PDK1: variants seen among roughly 807,000 people sequenced by gnomAD.
PDK1 encodes [Pyruvate dehydrogenase (acetyl-transferring)] kinase isozyme 1, mitochondrial.
PDK1 carries 39 observed loss-of-function variants against 54.2 expected under a neutral mutation model. The observed-to-expected ratio is 0.72, with a 90% CI of 0.56 to 0.94. PDK1 has a LOEUF of 0.94. Among genes scored for constraint, PDK1 ranks in the 40% least tolerant of loss-of-function variants. The probability of loss-of-function intolerance (pLI) is 0.00; values close to 1 mark genes in which losing one functional copy is unlikely to be tolerated. For missense variants in PDK1, 552 were observed against 566.0 expected (o/e 0.98, Z 0.25); for synonymous variants, 221 against 207.1 (o/e 1.07, Z -0.58).
At chr2:172,620,544 G>A in the PDK1 span, among the ~76,000 whole-genome samples, 16 of 152,076 alleles carry the variant, frequency 1.1e-4, no homozygotes, top group African/African-American at 2.9e-4. Context: ...GCTCTGATAC[G>A]GTTTAGCTCT....
chr2:172,683,157 G>T, the PDK1 span, among the ~76,000 whole-genome samples: 57 of 151,756 alleles, frequency 3.8e-4, no homozygotes, highest in Non-Finnish European at 7.4e-4. Context: ...CCATTCTGGC[G>T]AACACAGTGA....
At chr2:172,676,496 A>G in the PDK1 span, among the ~76,000 whole-genome samples, 2 of 152,240 alleles carry the variant, frequency 1.3e-5, no homozygotes, top group Non-Finnish European at 2.9e-5. Flanking sequence ...AGATAACTAT[A>G]GATGTGATAG....
At chr2:172,685,211 A>G in the PDK1 span, among the ~76,000 whole-genome samples, 1 of 152,214 alleles carries the variant, frequency 6.6e-6, no homozygotes, top group Non-Finnish European at 1.5e-5. Flanking sequence ...ACAGACTAAT[A>G]CAACAGCTCT....
the PDK1 span, among the ~76,000 whole-genome samples, chr2:172,617,200 A>G: frequency 1.3e-5 from 2 of 152,022 alleles, no homozygotes; most frequent in Non-Finnish European, 2.9e-5. Flanking sequence ...TCATCTGCCC[A>G]CCTTGGCCTC....
chr2:172,575,747 G>A (rs1020346805), intron 8 of PDK1, among the ~76,000 whole-genome samples: 2 of 152,068 alleles, frequency 1.3e-5, no homozygotes, highest in African/African-American at 4.8e-5. Flanking sequence ...ACTTGAATCC[G>A]GGAGGCAGAG....
intron 8 of PDK1, among the ~76,000 whole-genome samples, chr2:172,585,316 ATTTTTTTTT>A (rs538241255): frequency 4.8e-5 from 5 of 103,304 alleles, no homozygotes; most frequent in African/African-American, 1.3e-4. Context: ...TGCATTTTTA[ATTTTTTTTT>A]TTTTTTTTTT....
the PDK1 span, among the ~76,000 whole-genome samples, chr2:172,680,560 G>T: frequency 6.6e-6 from 1 of 151,988 alleles, no homozygotes; most frequent in Non-Finnish European, 1.5e-5. Context: ...TAGAGACGGG[G>T]TCTAGCTATG....
the PDK1 span, among the ~76,000 whole-genome samples, chr2:172,675,837 TAGAG>T: frequency 1.4e-4 from 21 of 152,250 alleles, no homozygotes; most frequent in African/African-American, 2.6e-4. Context: ...CTTTCAGAAT[TAGAG>T]AGAAGAAGCC....
the PDK1 span, among the ~76,000 whole-genome samples, chr2:172,665,824 T>C: frequency 6.6e-6 from 1 of 152,206 alleles, no homozygotes; most frequent in Non-Finnish European, 1.5e-5. Context: ...TGGAAAAGTC[T>C]GAGTGTCTAT....
At chr2:172,569,816 C>T (rs1689149346) in intron 7 of PDK1, among the ~76,000 whole-genome samples, 1 of 152,144 alleles carries the variant, frequency 6.6e-6, no homozygotes, top group African/African-American at 2.4e-5. Flanking sequence ...GGATTACAGG[C>T]ATAAACCACT....
At chr2:172,658,632 A>C in the PDK1 span, among the ~76,000 whole-genome samples, 2 of 152,130 alleles carry the variant, frequency 1.3e-5, no homozygotes, top group African/African-American at 4.8e-5. Flanking sequence ...GATATCACTA[A>C]ATTCTTTTCC....
the PDK1 span, among the ~76,000 whole-genome samples, chr2:172,696,973 T>C: frequency 2.0e-5 from 3 of 152,206 alleles, no homozygotes; most frequent in Admixed American, 6.5e-5. Flanking sequence ...TTTATTACTC[T>C]GCTTCTATCC....
chr2:172,633,124 C>T, the PDK1 span, among the ~76,000 whole-genome samples: 1 of 151,822 alleles, frequency 6.6e-6, no homozygotes, highest in Non-Finnish European at 1.5e-5. Context: ...CTCACTCCAG[C>T]CTCACACTCC....
At chr2:172,584,415 A>G (rs1472336657) in intron 8 of PDK1, among the ~76,000 whole-genome samples, 2 of 150,310 alleles carry the variant, frequency 1.3e-5, no homozygotes, top group African/African-American at 4.9e-5. Context: ...CTGCTTAACT[A>G]TCTCTTATGC....
At chr2:172,629,802 C>T in the PDK1 span, among the ~76,000 whole-genome samples, 1 of 152,178 alleles carries the variant, frequency 6.6e-6, no homozygotes, top group African/African-American at 2.4e-5. Context: ...AGTTCTGCTC[C>T]TGCCGATTGG....
the PDK1 span, among the ~76,000 whole-genome samples, chr2:172,624,317 C>T: frequency 7.0e-3 from 1,066 of 152,214 alleles, 11 homozygotes; most frequent in African/African-American, 0.023. Flanking sequence ...GTAAGGAACC[C>T]GGCTGCACAG....
the PDK1 span, among the ~76,000 whole-genome samples, chr2:172,701,648 GTTT>G: frequency 0.06 from 7,454 of 124,758 alleles, 363 homozygotes; most frequent in African/African-American, 0.17. Flanking sequence ...TTTTTGTTTT[GTTT>G]TTTTTTTTTT....
chr2:172,560,339 T>A (rs183714363), intron 2 of PDK1, among the ~76,000 whole-genome samples: 146 of 152,250 alleles, frequency 9.6e-4, no homozygotes, highest in Non-Finnish European at 8.8e-4. Flanking sequence ...CCAATTCTTT[T>A]ATTTTTTTGT....
At position 172,558,747 on chromosome 2, in the gene PDK1, T is replaced by C. The variant is rs1157330259; in HGVS notation, c.236T>C (p.Leu79Pro). Residue 79 changes from leucine (L) to proline (P), a missense_variant, in exon 2 of 11, where the codon CTG becomes CCG. Physicochemically the swap from Leu to Pro is moderately conservative, Grantham distance 98. Transcript: ENST00000282077. ...NACEKTSFMFLRQELPVRLAN... is the reference protein window; with the variant it reads ...NACEKTSFMFPRQELPVRLAN... Reference sequence around the variant, plus strand: ...TGTGAAAAGACCTCATTTATGTTTCTGCGGCAAGAGTTGCCTGTCAGACTG... The same window carrying C: ...TGTGAAAAGACCTCATTTATGTTTCCGCGGCAAGAGTTGCCTGTCAGACTG... 4 of 1,610,924 alleles carry C rather than the reference T, an allele frequency of 2.5e-6. No individual in the cohort carries two copies. The highest frequency in any genetic ancestry group is 3.4e-6 in the Non-Finnish European group (4 of 1,179,140).
Sources: allele counts gnomAD v4.1 joint callset (sites outside exome capture counted in the v4.1 genomes callset), GRCh38; gene constraint gnomAD v4.1.1; transcripts MANE v1.5; gene names NCBI Gene and HGNC (gene_info 2026-07-23, HGNC 2026-07-21).